Variants in CDHR2 observed in about 807,000 individuals in gnomAD.
The protein encoded by CDHR2 is cadherin-related family member 2.
A neutral mutation model predicts 138.6 loss-of-function variants in CDHR2; 104 were observed. The observed-to-expected ratio is 0.75, with a 90% CI of 0.64 to 0.88. CDHR2 has a LOEUF of 0.88. Ranked by LOEUF, CDHR2 falls within the 40% of genes least tolerant of loss-of-function variation. CDHR2 has a pLI of 0.00. For missense variants in CDHR2, 1,624 were observed against 1,727.6 expected (o/e 0.94, Z 1.06); for synonymous variants, 755 against 742.8 (o/e 1.02, Z -0.27).
At chr5:176,586,751 G>A in intron 20 of CDHR2, 42 bp from the exon 21 acceptor site, 1 of 1,566,738 alleles carries the variant, frequency 6.4e-7, no homozygotes, top group Non-Finnish European at 8.7e-7. Flanking sequence ...CAGGTGGGCA[G>A]TGTCCCGACC....
At chr5:176,582,841 G>A (rs1758561486) in intron 17 of CDHR2, among the ~76,000 whole-genome samples, 1 of 152,160 alleles carries the variant, frequency 6.6e-6, no homozygotes, top group East Asian at 1.9e-4. Flanking sequence ...ACAAAATTGG[G>A]TTTTGACTTC....
chr5:176,575,467 CG>C, intron 9 of CDHR2, 38 bp from the exon 10 acceptor site: 1 of 1,614,052 alleles, frequency 6.2e-7, no homozygotes, highest in Non-Finnish European at 8.5e-7. Flanking sequence ...AGGCGGGAGG[CG>C]GGGAAGTTTG....
chr5:176,586,644 C>T, intron 20 of CDHR2, 149 bp from the exon 21 acceptor site: 1 of 653,892 alleles, frequency 1.5e-6, no homozygotes. Flanking sequence ...TAACTACTGG[C>T]CCAGTGGTGG....
chr5:176,565,237 C>T (rs1236863903), intron 1 of CDHR2, 101 bp from the exon 2 acceptor site: 3 of 797,374 alleles, frequency 3.8e-6, no homozygotes, highest in South Asian at 2.9e-5. Flanking sequence ...AACTACTAAG[C>T]AGCAGTGGTG....
At chr5:176,559,722 A>T (rs113926512) in intron 1 of CDHR2, among the ~76,000 whole-genome samples, 2,357 of 71,412 alleles carry the variant, frequency 0.033, 57 homozygotes, top group African/African-American at 0.21. Context: ...CATTTTTTTT[A>T]AAATCTATAA....
At chr5:176,544,905 T>A (rs960538422), upstream of CDHR2, among the ~76,000 whole-genome samples, 1 of 152,096 alleles carries the variant, frequency 6.6e-6, no homozygotes, top group African/African-American at 2.4e-5. Context: ...CCAGAGTCAC[T>A]CTCAGCCCAG....
At chr5:176,593,590 C>T (rs910627816) in intron 31 of CDHR2, among the ~76,000 whole-genome samples, 4 of 152,160 alleles carry the variant, frequency 2.6e-5, no homozygotes, top group South Asian at 4.1e-4. Context: ...CTGGAGGAGA[C>T]GCTTAAGGCC....
chr5:176,545,199 TCC>T (rs1373578440), upstream of CDHR2, among the ~76,000 whole-genome samples: 1 of 151,840 alleles, frequency 6.6e-6, no homozygotes, highest in Non-Finnish European at 1.5e-5. Flanking sequence ...CACTGCAATC[TCC>T]CCCCACCCCA....
intron 21 of CDHR2, among the ~76,000 whole-genome samples, chr5:176,588,480 A>C (rs542203084): frequency 1.6e-4 from 22 of 138,162 alleles, no homozygotes; most frequent in Admixed American, 4.3e-4. Flanking sequence ...TGTGAGTGTG[A>C]GAGGATAAGT....
intron 3 of CDHR2, 68 bp from the exon 4 acceptor site, chr5:176,568,610 G>A (rs1442157434): frequency 8.3e-6 from 13 of 1,569,706 alleles, no homozygotes; most frequent in Non-Finnish European, 1.1e-5. Flanking sequence ...CAGCCTCACA[G>A]CCAGCTTGGC....
chr5:176,571,021 G>A (rs1250410574), intron 5 of CDHR2, among the ~76,000 whole-genome samples, 192 bp from the exon 6 acceptor site: 1 of 78,000 alleles, frequency 1.3e-5, no homozygotes, highest in Non-Finnish European at 2.3e-5. Flanking sequence ...AACATATGGA[G>A]AGAACCTGGT....
chr5:176,589,991 C>G, intron 24 of CDHR2, 87 bp from the exon 25 acceptor site: 3 of 1,066,412 alleles, frequency 2.8e-6, no homozygotes, highest in Non-Finnish European at 4.4e-6. Context: ...CTTTCTCACT[C>G]ATACAATTCT....
intron 1 of CDHR2, among the ~76,000 whole-genome samples, chr5:176,550,097 A>G (rs967475856): frequency 1.2e-4 from 19 of 152,204 alleles, no homozygotes; most frequent in Non-Finnish European, 4.4e-5. Flanking sequence ...TGCGTCACTC[A>G]GGCAGGCCTG....
chr5:176,552,411 A>G (rs1350151527), intron 1 of CDHR2, among the ~76,000 whole-genome samples: 1 of 152,224 alleles, frequency 6.6e-6, no homozygotes, highest in Non-Finnish European at 1.5e-5. Flanking sequence ...AGCATTCAAC[A>G]CCACTGGACC....
Position 176,590,605 on chromosome 5 carries a change from A to G in CDHR2, c.3457A>G (p.Ile1153Val), listed in dbSNP as rs925273787. 10 of 1,613,756 alleles carry G rather than the reference A, an allele frequency of 6.2e-6. No individual in the cohort carries two copies. The African/African-American group carries it at 1.3e-4, about 22-fold the overall frequency. The change falls in exon 28 of 32, where the codon ATC becomes GTC. Residue 1153 changes from isoleucine to valine, a missense_variant. Transcript: ENST00000261944. ...GGAGTCAGACCTGTCGAAACAGCTC[A>G]TCAGTGTCATCATAGGATTGGGAGT... ...SQESDLSKQL[I>V]SVIIGLGVAL...
At chr5:176,580,436 G>A (rs1041901245) in intron 16 of CDHR2, among the ~76,000 whole-genome samples, 1 of 150,486 alleles carries the variant, frequency 6.6e-6, no homozygotes, top group African/African-American at 2.5e-5. Flanking sequence ...GGCTGAGGCA[G>A]GAGAATCACT....
intron 21 of CDHR2, among the ~76,000 whole-genome samples, chr5:176,588,435 A>C (rs1048527167): frequency 5.1e-5 from 6 of 117,988 alleles, no homozygotes; most frequent in African/African-American, 1.9e-4. Context: ...GTGTGTCAGG[A>C]TAAGTGTGTG....
chr5:176,558,289 C>G (rs1326719095), intron 1 of CDHR2, among the ~76,000 whole-genome samples: 1 of 150,920 alleles, frequency 6.6e-6, no homozygotes, highest in Non-Finnish European at 1.5e-5. Context: ...CATCTCGGCT[C>G]ACTGCAAGCT....
At chr5:176,570,207 T>G (rs1435468939) in intron 5 of CDHR2, among the ~76,000 whole-genome samples, 1 of 152,190 alleles carries the variant, frequency 6.6e-6, no homozygotes, top group African/African-American at 2.4e-5. Context: ...AATCCCCAAT[T>G]TTTGTAACGT....
Sources: gnomAD v4.1 joint callset for allele counts (sites outside exome capture counted in the v4.1 genomes callset) on GRCh38, gnomAD v4.1.1 for gene constraint, MANE v1.5 for transcripts, NCBI Gene and HGNC (gene_info 2026-07-23, HGNC 2026-07-21) for gene names.